FHIT: variants seen among roughly 807,000 people sequenced by gnomAD.
FHIT encodes the protein fragile histidine triad diadenosine triphosphatase.
Under a neutral mutation model 17.9 loss-of-function variants are expected in FHIT, and 19 were observed. That is an observed-to-expected ratio of 1.06 (90% CI 0.74 to 1.56). The LOEUF (loss-of-function observed/expected upper bound fraction) is 1.56. Ranked by LOEUF, FHIT falls within the 40% of genes most tolerant of loss-of-function variation. The pLI is 0.00. For missense variants in FHIT, 248 were observed against 189.2 expected (o/e 1.31, Z -1.82); for synonymous variants, 81 against 69.7 (o/e 1.16, Z -0.81).
intron 2 of FHIT, among the ~76,000 whole-genome samples, chr3:61,107,638 C>G (rs1445930390): frequency 1.3e-5 from 2 of 152,072 alleles, no homozygotes; most frequent in African/African-American, 4.8e-5. Flanking sequence ...TATCTTTTGT[C>G]TTTCTGATAA....
chr3:60,082,404 T>C (rs1229223570), intron 5 of FHIT, among the ~76,000 whole-genome samples: 1 of 152,164 alleles, frequency 6.6e-6, no homozygotes, highest in African/African-American at 2.4e-5. Flanking sequence ...ATTTCATGTC[T>C]TTGCTATTGT....
chr3:60,518,945 G>A (rs937142182), intron 5 of FHIT, among the ~76,000 whole-genome samples: 1 of 152,246 alleles, frequency 6.6e-6, no homozygotes, highest in African/African-American at 2.4e-5. Flanking sequence ...GGAGGTTGCA[G>A]TGAGCACCGA....
chr3:60,449,449 T>C lies in FHIT; in HGVS notation c.103+87411A>G, dbSNP rs193130325. Reference sequence around the variant, plus strand: ...GCATACACACACACACACACACACATATGCAGTAATGTGGCACTTAATAAT... The same window carrying C: ...GCATACACACACACACACACACACACATGCAGTAATGTGGCACTTAATAAT... On this transcript the variant is annotated intron_variant, in intron 5 of 9. Transcript: ENST00000492590. Among the ~76,000 whole-genome samples the C allele has an allele frequency of 6.0e-4, 83 of 137,792 alleles. No individual in the cohort carries two copies. In the South Asian group the frequency reaches 0.01, roughly 17 times the overall value. The allele number at this position is 137,792 out of a possible 152,430, so 90.4% of individuals were successfully genotyped here. A position where few individuals can be genotyped will look rare whatever the true frequency, so the allele number is the denominator to read the frequency against.
rs145618938 is a variant in FHIT at position 60,114,488 on chromosome 3, C to CTTTTTTTTTTTTTTTTTTTTTTT, written c.104-100337_104-100336insAAAAAAAAAAAAAAAAAAAAAAA. ...TAAAATAAGGAAGAACAAGAGAAAT[C>CTTTTTTTTTTTTTTTTTTTTTTT]CTTTTTTTTTTTTTTTTTTTTTTTT... On this transcript the variant is annotated intron_variant, in intron 5 of 9. Transcript: ENST00000492590. Among the ~76,000 whole-genome samples the CTTTTTTTTTTTTTTTTTTTTTTT allele has an allele frequency of 1.2e-4, 7 of 59,480 alleles. 3 individuals carry two copies. Among genetic ancestry groups the CTTTTTTTTTTTTTTTTTTTTTTT allele is most frequent in the African/African-American group, 3.0e-4 (4 of 13,362 alleles). The allele number at this position is 59,480 out of a possible 152,430, so 39.0% of individuals were successfully genotyped here.
chr3:60,589,635 A>T (rs142418304), intron 4 of FHIT, among the ~76,000 whole-genome samples: 1 of 152,110 alleles, frequency 6.6e-6, no homozygotes, highest in Non-Finnish European at 1.5e-5. Flanking sequence ...CTGTGGAAGC[A>T]AAATGGCAAG....
intron 5 of FHIT, among the ~76,000 whole-genome samples, chr3:60,120,348 T>C (rs188696209): frequency 6.6e-6 from 1 of 152,220 alleles, no homozygotes; most frequent in African/African-American, 2.4e-5. Context: ...CCAGAATTGA[T>C]TCTGAGGCAG....
At chr3:60,064,789 TCA>T (rs1321250079) in intron 5 of FHIT, among the ~76,000 whole-genome samples, 2 of 152,220 alleles carry the variant, frequency 1.3e-5, no homozygotes, top group African/African-American at 4.8e-5. Context: ...TTAACCATTT[TCA>T]CAGTTATCAA....
chr3:60,434,867 G>C (rs920311035), intron 5 of FHIT, among the ~76,000 whole-genome samples: 2 of 151,918 alleles, frequency 1.3e-5, no homozygotes, highest in African/African-American at 4.8e-5. Flanking sequence ...TCTACTCTTT[G>C]GGTTGTCATT....
chr3:60,142,122 G>C (rs905408815), intron 5 of FHIT, among the ~76,000 whole-genome samples: 8 of 152,140 alleles, frequency 5.3e-5, no homozygotes, highest in African/African-American at 1.9e-4. Context: ...CATATCAATA[G>C]GAAAGCAGTA....
intron 4 of FHIT, among the ~76,000 whole-genome samples, chr3:60,756,142 G>T (rs1553718207): frequency 6.6e-6 from 1 of 152,192 alleles, no homozygotes; most frequent in African/African-American, 2.4e-5. Context: ...TCACTAAAAA[G>T]AAGTAAACAA....
At chr3:60,021,907 G>A (rs1180759513) in intron 5 of FHIT, among the ~76,000 whole-genome samples, 1 of 152,130 alleles carries the variant, frequency 6.6e-6, no homozygotes, top group Non-Finnish European at 1.5e-5. Context: ...AAACTGTGCG[G>A]TCAAAGAAGA....
chr3:60,216,788 G>A (rs754284715), intron 5 of FHIT, among the ~76,000 whole-genome samples: 1 of 152,118 alleles, frequency 6.6e-6, no homozygotes, highest in African/African-American at 2.4e-5. Flanking sequence ...TCCAGTGTCT[G>A]CTTACCCTTT....
chr3:60,389,255 A>G (rs764451650), intron 5 of FHIT, among the ~76,000 whole-genome samples: 2 of 152,192 alleles, frequency 1.3e-5, no homozygotes, highest in Non-Finnish European at 2.9e-5. Context: ...CTGTGATTTC[A>G]TAAGCCCTCC....
At chr3:61,211,053 T>G (rs1576227934) in intron 1 of FHIT, among the ~76,000 whole-genome samples, 1 of 151,856 alleles carries the variant, frequency 6.6e-6, no homozygotes, top group Non-Finnish European at 1.5e-5. Context: ...ACAGCTCCGG[T>G]CTACAGCTCC....
At chr3:60,745,627 C>T (rs887733612) in intron 4 of FHIT, among the ~76,000 whole-genome samples, 3 of 151,988 alleles carry the variant, frequency 2.0e-5, no homozygotes, top group Non-Finnish European at 4.4e-5. Context: ...TCTAGACCTC[C>T]TAGGTCACAG....
At chr3:60,427,936 T>C (rs139579603) in intron 5 of FHIT, among the ~76,000 whole-genome samples, 25 of 152,288 alleles carry the variant, frequency 1.6e-4, no homozygotes, top group African/African-American at 5.8e-4. Context: ...TTTGTAAACA[T>C]CACTAGGACA....
chr3:60,422,174 G>T (rs1165198783), intron 5 of FHIT, among the ~76,000 whole-genome samples: 1 of 152,042 alleles, frequency 6.6e-6, no homozygotes, highest in African/African-American at 2.4e-5. Context: ...ATGACTCCAG[G>T]TTTCAAATGT....
At chr3:60,781,939 C>T (rs1390910574) in intron 4 of FHIT, among the ~76,000 whole-genome samples, 2 of 152,098 alleles carry the variant, frequency 1.3e-5, no homozygotes, top group Non-Finnish European at 2.9e-5. Flanking sequence ...AGCTAATTAA[C>T]ATAGCCATCA....
chr3:60,395,749 A>G (rs2734391), intron 5 of FHIT, among the ~76,000 whole-genome samples: 11,874 of 152,238 alleles, frequency 0.078, 956 homozygotes, highest in African/African-American at 0.2. Context: ...TGAATGCAGG[A>G]CAAGTGGCAG....
Sources: gnomAD v4.1 joint callset for allele counts (sites outside exome capture counted in the v4.1 genomes callset) on GRCh38, gnomAD v4.1.1 for gene constraint, MANE v1.5 for transcripts, NCBI Gene and HGNC (gene_info 2026-07-23, HGNC 2026-07-21) for gene names.